KLRG1: variants seen among roughly 807,000 people sequenced by gnomAD.
KLRG1 encodes killer cell lectin like receptor G1.
A neutral mutation model predicts 21.8 loss-of-function variants in KLRG1; 16 were observed. The observed-to-expected ratio is 0.73, with a 90% confidence interval of 0.50 to 1.11. The LOEUF (loss-of-function observed/expected upper bound fraction) is 1.11. KLRG1 is among the 50% of genes most tolerant of loss of function. The pLI, the probability that KLRG1 is intolerant of heterozygous loss-of-function variation, is 0.00. For synonymous variants in KLRG1, 69 were observed against 75.9 expected (o/e 0.91, Z 0.47); for missense variants, 173 against 218.3 (o/e 0.79, Z 1.31).
chr12:8,995,086 TA>T, intron 2 of KLRG1, 32 bp from the exon 3 acceptor site: 1 of 1,545,056 alleles, frequency 6.5e-7, no homozygotes, highest in Non-Finnish European at 8.7e-7. Context: ...GAGTGGTCCA[TA>T]AAGATGTGAA....
At chr12:9,099,966 T>C in the KLRG1 span, among the ~76,000 whole-genome samples, 1 of 152,250 alleles carries the variant, frequency 6.6e-6, no homozygotes, top group Non-Finnish European at 1.5e-5. Flanking sequence ...TTGATGCCTA[T>C]GTAGATTCTT....
chr12:9,089,807 A>C, the KLRG1 span: 1 of 865,304 alleles, frequency 1.2e-6, no homozygotes, highest in Non-Finnish European at 1.6e-6. Context: ...ACAGAGAGAT[A>C]CATGAGAATA....
chr12:9,017,399 T>G, the KLRG1 span, among the ~76,000 whole-genome samples: 1 of 151,162 alleles, frequency 6.6e-6, no homozygotes, highest in Non-Finnish European at 1.5e-5. Context: ...AACAACACAT[T>G]AAAAAGATCA....
chr12:9,183,366 A>G, the KLRG1 span, among the ~76,000 whole-genome samples: 4 of 152,038 alleles, frequency 2.6e-5, no homozygotes, highest in African/African-American at 7.2e-5. Flanking sequence ...TATTATCTAT[A>G]TGTGTCCCAT....
chr12:8,957,376 T>C (rs1946312401), intron 1 of KLRG1, among the ~76,000 whole-genome samples: 2 of 152,242 alleles, frequency 1.3e-5, no homozygotes, highest in African/African-American at 4.8e-5. Context: ...CCGTGGCCCA[T>C]GGCAGTAACT....
chr12:9,205,037 A>G, the KLRG1 span, among the ~76,000 whole-genome samples: 3 of 152,176 alleles, frequency 2.0e-5, no homozygotes, highest in Non-Finnish European at 4.4e-5. Context: ...GGTTGAGGCT[A>G]CAGTGAGCTA....
At chr12:9,153,048 G>C in the KLRG1 span, 3 of 1,604,228 alleles carry the variant, frequency 1.9e-6, no homozygotes, top group Non-Finnish European at 2.6e-6. Flanking sequence ...TACTTTCCCA[G>C]GAAGGAAGGA....
the KLRG1 span, chr12:9,110,106 A>G: frequency 2.0e-6 from 3 of 1,507,342 alleles, no homozygotes; most frequent in Non-Finnish European, 2.7e-6. Context: ...ATATCTATGG[A>G]AACCCTAAGT....
At chr12:9,194,462 G>GTT in the KLRG1 span, among the ~76,000 whole-genome samples, 23 of 90,810 alleles carry the variant, frequency 2.5e-4, no homozygotes, top group Admixed American at 3.9e-4. Context: ...AAGTCAGGGA[G>GTT]TTTTTTTTTT....
At chr12:9,021,730 T>C in the KLRG1 span, among the ~76,000 whole-genome samples, 1 of 152,160 alleles carries the variant, frequency 6.6e-6, no homozygotes, top group African/African-American at 2.4e-5. Flanking sequence ...GACATAAGCA[T>C]GCACATTAGC....
At chr12:9,115,960 T>G in the KLRG1 span, 1 of 864,074 alleles carries the variant, frequency 1.2e-6, no homozygotes. Flanking sequence ...CTGCTCTGTG[T>G]GCAAACAGGA....
chr12:9,162,627 T>C, the KLRG1 span: 9 of 1,595,884 alleles, frequency 5.6e-6, no homozygotes, highest in African/African-American at 9.4e-5. Flanking sequence ...CTGAAAGTCT[T>C]TTCTTGCTCA....
At chr12:9,163,867 T>C in the KLRG1 span, 20 of 1,484,042 alleles carry the variant, frequency 1.3e-5, no homozygotes, top group South Asian at 2.6e-5. Flanking sequence ...CTTAAACTTA[T>C]AGTTGTCCAG....
chr12:9,130,804 G>A, the KLRG1 span, among the ~76,000 whole-genome samples: 2 of 151,712 alleles, frequency 1.3e-5, no homozygotes, highest in Non-Finnish European at 2.9e-5. Flanking sequence ...CAAGTTTGAT[G>A]TAGTCCCATT....
At chr12:9,166,276 G>A in the KLRG1 span, 2 of 1,492,728 alleles carry the variant, frequency 1.3e-6, no homozygotes, top group South Asian at 2.5e-5. Flanking sequence ...AGACGTTAGA[G>A]AACAAAATTT....
chr12:9,181,375 T>C, the KLRG1 span, among the ~76,000 whole-genome samples: 812 of 152,300 alleles, frequency 5.3e-3, 5 homozygotes, highest in African/African-American at 0.018. Flanking sequence ...TGTTAAAAGG[T>C]ACATGACTTC....
At chr12:9,062,219 C>T in the KLRG1 span, among the ~76,000 whole-genome samples, 1 of 121,268 alleles carries the variant, frequency 8.2e-6, no homozygotes, top group Admixed American at 9.0e-5. Flanking sequence ...TAAAAAATCA[C>T]CTGACACAAT....
At chr12:9,062,862 C>T in the KLRG1 span, among the ~76,000 whole-genome samples, 3 of 151,084 alleles carry the variant, frequency 2.0e-5, no homozygotes, top group Admixed American at 2.0e-4. Flanking sequence ...TACATTTAAA[C>T]AGTTAAACAC....
At chr12:9,198,659 T>C in the KLRG1 span, among the ~76,000 whole-genome samples, 1 of 152,296 alleles carries the variant, frequency 6.6e-6, no homozygotes, top group South Asian at 2.1e-4. Context: ...TAGTCCTTTC[T>C]CTGATTAGAT....
Sources: allele counts gnomAD v4.1 joint callset (sites outside exome capture counted in the v4.1 genomes callset), GRCh38; gene constraint gnomAD v4.1.1; transcripts MANE v1.5; gene names NCBI Gene and HGNC (gene_info 2026-07-23, HGNC 2026-07-21).